Variants in USP34 observed in about 807,000 individuals in gnomAD.
USP34 encodes ubiquitin specific peptidase 34.
USP34 carries 70 observed loss-of-function variants against 460.3 expected under a neutral mutation model. That is an observed-to-expected ratio of 0.15 (90% confidence interval 0.13 to 0.19). The LOEUF is 0.19. USP34 is among the 10% of genes least tolerant of loss of function. USP34 has a pLI of 1.00. For synonymous variants in USP34, 1,647 were observed against 1,405.3 expected, an observed-to-expected ratio of 1.17 and a Z score of -3.85; for missense variants, 3,985 against 4,236.2, an observed-to-expected ratio of 0.94 and a Z score of 1.65.
chr2:61,198,185 C>A (rs1051537608), intron 75 of USP34, among the ~76,000 whole-genome samples: 1 of 152,214 alleles, frequency 6.6e-6, no homozygotes, highest in African/African-American at 2.4e-5. Flanking sequence ...TCTATAATTT[C>A]ATCCTTATAG....
intron 17 of USP34, 31 bp downstream of exon 17, chr2:61,339,535 C>T: frequency 6.4e-7 from 1 of 1,565,738 alleles, no homozygotes; most frequent in Non-Finnish European, 8.6e-7. Flanking sequence ...GCTGAAATTT[C>T]TTACTCTTCT....
intron 5 of USP34, among the ~76,000 whole-genome samples, chr2:61,385,997 C>CAAA (rs58518474): frequency 5.0e-5 from 5 of 99,438 alleles, no homozygotes; most frequent in South Asian, 3.5e-4. Flanking sequence ...ACTCTGTCTC[C>CAAA]AAAAAAAAAA....
At chr2:61,433,158 C>T (rs1173760663) in intron 1 of USP34, among the ~76,000 whole-genome samples, 1 of 152,206 alleles carries the variant, frequency 6.6e-6, no homozygotes, top group East Asian at 1.9e-4. Flanking sequence ...AATGGAGACA[C>T]ACCTGTTGGT....
intron 10 of USP34, among the ~76,000 whole-genome samples, chr2:61,357,870 C>G (rs1227139022): frequency 6.6e-6 from 1 of 151,988 alleles, no homozygotes; most frequent in African/African-American, 2.4e-5. Flanking sequence ...GCTTGGGCAA[C>G]AGAGCAAGAA....
At position 61,452,558 on chromosome 2, in the gene USP34, G is replaced by C. The variant is rs371948373; in HGVS notation, c.43+18092C>G. 2.6e-5 allele frequency among the ~76,000 whole-genome samples: 4 copies of C among 151,778 alleles called. No homozygotes were observed. The East Asian group carries it at 5.8e-4, about 22-fold the overall frequency. The stretch of plus-strand genomic sequence containing the variant: ...CAGGCTGGTCTCCTGACCTCAGGTG[G>C]TGATCCACCCGCCTCAGCCTCCCGC... On this transcript the variant is annotated intron_variant, in intron 1 of 79. Coordinates refer to ENST00000398571, the MANE Select transcript of USP34 (RefSeq NM_014709.4).
In USP34 at chr2:61,304,080, T is replaced by C. The variant is rs572957603; in HGVS notation, c.3818-2626A>G. ...GCCCAGCTAATTTTTGTATTTTTAG[T>C]AGAGACAGGGTTTCGTCATGTTGGC... On this transcript the variant is annotated intron_variant, in intron 27 of 79. Coordinates refer to ENST00000398571, the MANE Select transcript of USP34 (RefSeq NM_014709.4). 2.0e-5 allele frequency among the ~76,000 whole-genome samples: 3 copies of C among 152,188 alleles called. No individual in the cohort carries two copies. The South Asian group carries it at 6.2e-4, about 32-fold the overall frequency.
intron 3 of USP34, among the ~76,000 whole-genome samples, chr2:61,397,577 C>T (rs113759898): frequency 7.2e-4 from 109 of 152,238 alleles, no homozygotes; most frequent in African/African-American, 2.4e-3. Flanking sequence ...ACCAGCCTGG[C>T]CAACATGGTG....
rs540959005 is a variant in USP34 at position 61,276,505 on chromosome 2, C to T, written c.5433+1660G>A. ...TTTATACATGCGTATTTACTGTATC[C>T]ATGAAAAGTCCTGGAAGGCCATCAC... On this transcript the variant is annotated intron_variant, in intron 41 of 79. Transcript: ENST00000398571. Among the ~76,000 whole-genome samples, 3 of 152,080 alleles carry T rather than the reference C, an allele frequency of 2.0e-5. No homozygotes were observed. In the East Asian group the frequency reaches 5.8e-4, roughly 29 times the overall value.
chr2:61,349,989 C>G (rs907295635), intron 12 of USP34, among the ~76,000 whole-genome samples: 1 of 151,408 alleles, frequency 6.6e-6, no homozygotes, highest in Non-Finnish European at 1.5e-5. Context: ...TGTTTGTTTA[C>G]AAAATGAAAT....
intron 2 of USP34, chr2:61,416,890 T>C (rs1573020092): frequency 5.6e-6 from 5 of 887,690 alleles, no homozygotes; most frequent in South Asian, 1.4e-5. Flanking sequence ...CCCTCATGAG[T>C]GCAGGGCCAG....
intron 10 of USP34, among the ~76,000 whole-genome samples, chr2:61,361,875 C>T (rs904567992): frequency 2.0e-5 from 3 of 151,848 alleles, no homozygotes; most frequent in Non-Finnish European, 4.4e-5. Flanking sequence ...GAAAAAGCAA[C>T]CTACAAAATG....
At chr2:61,315,728 A>G (rs1572927686) in intron 23 of USP34, among the ~76,000 whole-genome samples, 1 of 152,148 alleles carries the variant, frequency 6.6e-6, no homozygotes, top group East Asian at 1.9e-4. Context: ...TGTTTTCACT[A>G]AAAACTACAG....
chr2:61,262,231 C>T (rs1240853142), intron 43 of USP34, among the ~76,000 whole-genome samples: 4 of 146,430 alleles, frequency 2.7e-5, no homozygotes, highest in Non-Finnish European at 4.5e-5. Context: ...GGTACATATG[C>T]AGGTTATATA....
intron 10 of USP34, among the ~76,000 whole-genome samples, chr2:61,363,796 A>T (rs888140271): frequency 2.0e-5 from 3 of 152,224 alleles, no homozygotes; most frequent in African/African-American, 7.2e-5. Flanking sequence ...CAAAAGGTGG[A>T]AACAACCCAA....
chr2:61,204,482 T>TA lies in USP34; in HGVS notation c.9259+14dup. ...TGCGAACCATATTGAAGTACTGTGCTAGATAAATACGTACTTGGTATATTA... is the reference window on the plus strand; with the variant it reads ...TGCGAACCATATTGAAGTACTGTGCTAAGATAAATACGTACTTGGTATATTA... On this transcript the variant is annotated intron_variant, in intron 73 of 79. Coordinates refer to ENST00000398571, the MANE Select transcript of USP34 (RefSeq NM_014709.4). The TA allele has an allele frequency of 6.2e-7, 1 of 1,613,174 alleles. No homozygotes were observed. The highest frequency in any genetic ancestry group is 8.5e-7 in the Non-Finnish European group (1 of 1,179,152).
intron 5 of USP34, among the ~76,000 whole-genome samples, chr2:61,387,222 A>T (rs2103880567): frequency 6.6e-6 from 1 of 152,226 alleles, no homozygotes; most frequent in Admixed American, 6.5e-5. Flanking sequence ...GCACTTTGGG[A>T]GGCTGAGGCA....
chr2:61,243,128 G>C (rs1688319739), intron 51 of USP34, among the ~76,000 whole-genome samples: 2 of 151,582 alleles, frequency 1.3e-5, no homozygotes, highest in Admixed American at 6.6e-5. Flanking sequence ...TTACAGGCCT[G>C]AGCCACCATG....
At chr2:61,228,555 T>C in intron 61 of USP34, 90 bp downstream of exon 61, 3 of 1,173,208 alleles carry the variant, frequency 2.6e-6, no homozygotes, top group Non-Finnish European at 3.6e-6. Flanking sequence ...GAAGGGACTT[T>C]AAAGGGTTCT....
chr2:61,262,088 CAAAAAAAAA>C (rs61651654), intron 43 of USP34, among the ~76,000 whole-genome samples: 932 of 46,732 alleles, frequency 0.02, 18 homozygotes, highest in East Asian at 0.079. Context: ...AAGACTTCGT[CAAAAAAAAA>C]AAAAAAAAAA....
Sources: gnomAD v4.1 joint callset for allele counts (sites outside exome capture counted in the v4.1 genomes callset) on GRCh38, gnomAD v4.1.1 for gene constraint, MANE v1.5 for transcripts, NCBI Gene and HGNC (gene_info 2026-07-23, HGNC 2026-07-21) for gene names.